The following KIAA0513 variants were observed in gnomAD, a reference collection of about 807,000 sequenced individuals.
KIAA0513 encodes the protein KIAA0513.
KIAA0513 carries 39 observed loss-of-function variants against 56.5 expected under a neutral mutation model. The ratio of observed to expected loss-of-function variants is 0.69; its 90% CI spans 0.53 to 0.90. The LOEUF (loss-of-function observed/expected upper bound fraction) is 0.90. Among genes scored for constraint, KIAA0513 ranks in the 40% least tolerant of loss-of-function variants. The pLI, the probability that KIAA0513 is intolerant of heterozygous loss-of-function variation, is 0.00. For synonymous variants in KIAA0513, 268 were observed against 215.6 expected (o/e 1.24, Z -2.13); for missense variants, 591 against 535.2 (o/e 1.10, Z -1.03).
chr16:85,064,681 A>G (rs2073453237), intron 1 of KIAA0513, among the ~76,000 whole-genome samples: 1 of 152,010 alleles, frequency 6.6e-6, no homozygotes, highest in South Asian at 2.1e-4. Context: ...CGCCTTTAAT[A>G]ATTGTATTTC....
Position 85,092,524 on chromosome 16 carries a change from C to T in KIAA0513, c.*4199C>T, listed in dbSNP as rs1456062923. 1 of 152,164 alleles carries T rather than the reference C, an allele frequency of 6.6e-6. No homozygotes were observed. Among genetic ancestry groups the T allele is most frequent in the African/African-American group, 2.4e-5 (1 of 41,436 alleles). The allele number at this position is 152,164 out of a possible 1,614,324, so 9.4% of individuals were successfully genotyped here. A position where few individuals can be genotyped will look rare whatever the true frequency, so the allele number is the denominator to read the frequency against. On this transcript the variant is annotated 3_prime_UTR_variant, in exon 13 of 13. Transcript: ENST00000683363. Reference sequence around the variant, plus strand: ...GCAGGTGTTCTGAGGCTGGTCCCTCCTCAGTTTCCGCAGCCACAAGGCGAA... The same window carrying T: ...GCAGGTGTTCTGAGGCTGGTCCCTCTTCAGTTTCCGCAGCCACAAGGCGAA...
chr16:85,091,414 G>T lies in KIAA0513; in HGVS notation c.*3089G>T, dbSNP rs1276570484. On this transcript the variant is annotated 3_prime_UTR_variant, in exon 13 of 13. Coordinates refer to ENST00000683363, the MANE Select transcript of KIAA0513 (RefSeq NM_001388359.1). ...CTGATGTCGTAAGTTCTCTGTAAGT[G>T]AAATGGGGTAGACTGTATGATTTTC... 1 of 152,172 alleles carries T rather than the reference G, an allele frequency of 6.6e-6. No individual in the cohort carries two copies. Among genetic ancestry groups the T allele is most frequent in the African/African-American group, 2.4e-5 (1 of 41,440 alleles). The allele number at this position is 152,172 out of a possible 1,614,324, so 9.4% of individuals were successfully genotyped here.
chr16:85,078,763 C>G, intron 7 of KIAA0513, 162 bp from the exon 8 acceptor site: 2 of 246,044 alleles, frequency 8.1e-6, no homozygotes, highest in Non-Finnish European at 1.3e-5. Flanking sequence ...GGGAATAGCA[C>G]CGTTACTGGC....
chr16:85,074,363 C>T (rs372725571), intron 4 of KIAA0513, among the ~76,000 whole-genome samples: 17 of 150,700 alleles, frequency 1.1e-4, no homozygotes, highest in South Asian at 4.2e-4. Flanking sequence ...CACACACACA[C>T]ATATATATTT....
chr16:85,040,936 T>C (rs1018893931), intron 1 of KIAA0513, among the ~76,000 whole-genome samples: 1 of 152,218 alleles, frequency 6.6e-6, no homozygotes, highest in Non-Finnish European at 1.5e-5. Flanking sequence ...TTCGCTCACA[T>C]GCAAGTAAAC....
At chr16:85,077,759 A>G (rs2073680161) in intron 6 of KIAA0513, 127 bp downstream of exon 6, 2 of 701,578 alleles carry the variant, frequency 2.9e-6, no homozygotes, top group African/African-American at 3.6e-5. Flanking sequence ...TGCGCTGCCC[A>G]GCCACTTCTG....
intron 11 of KIAA0513, 132 bp downstream of exon 11, chr16:85,086,856 C>T (rs1171171692): frequency 1.1e-6 from 1 of 909,830 alleles, no homozygotes; most frequent in Non-Finnish European, 1.7e-6. Context: ...CACTTGGCCT[C>T]CATGCCAGCT....
At position 85,079,007 on chromosome 16, in the gene KIAA0513, A is replaced by G; in HGVS notation, c.902+4A>G. 3 of 1,614,172 alleles carry G rather than the reference A, an allele frequency of 1.9e-6. No individual in the cohort carries two copies. The highest frequency in any genetic ancestry group is 2.5e-6 in the Non-Finnish European group (3 of 1,180,026). On this transcript the variant is annotated splice_donor_region_variant and intron_variant, in intron 8 of 12. Transcript: ENST00000683363. Reference sequence around the variant, plus strand: ...ACCTGAAGCAACAGCCCATCTGGTAAGGCCGAGCCCGCGGCTTCCCGTCAC... The same window carrying G: ...ACCTGAAGCAACAGCCCATCTGGTAGGGCCGAGCCCGCGGCTTCCCGTCAC...
At chr16:85,063,422 C>T (rs555993180) in intron 1 of KIAA0513, 6 of 152,374 alleles carry the variant, frequency 3.9e-5, no homozygotes, top group East Asian at 3.9e-4. Context: ...CCTGCCACCA[C>T]GCCCGGCTGA....
rs867351382 is a variant in KIAA0513, at chr16:85,071,865, C to G, written c.412C>G (p.Arg138Gly). ...ENGKGREWFA[R>G]YVSAQRCNSK... ...TGGAAAAGGCCGGGAGTGGTTTGCT[C>G]GATACGTGAGTGCCCAGGTAAGGGC... is the stretch of plus-strand genomic sequence containing the variant. The change falls in exon 3 of 13, where the codon CGA becomes GGA. Residue 138 changes from arginine (R) to glycine (G), a missense_variant. Transcript: ENST00000683363. 1.2e-5 allele frequency: 19 copies of G among 1,608,680 alleles called. No homozygotes were observed. The highest frequency in any genetic ancestry group is 1.4e-5 in the Non-Finnish European group (17 of 1,178,424).
Position 85,052,444 on chromosome 16 carries a change from C to A in KIAA0513, c.-172-14456C>A, listed in dbSNP as rs144761565. Among the ~76,000 whole-genome samples, 540 of 152,168 alleles carry A rather than the reference C, an allele frequency of 3.5e-3. 2 individuals carry two copies. The highest frequency in any genetic ancestry group is 0.012 in the African/African-American group (512 of 41,528). ...CCAGAATCGCTTGAACCTGGGAGGCCGAGGTTCCCAGGTTCCATTGCATCG... is the reference window on the plus strand; with the variant it reads ...CCAGAATCGCTTGAACCTGGGAGGCAGAGGTTCCCAGGTTCCATTGCATCG... On this transcript the variant is annotated intron_variant, in intron 1 of 12. Transcript: ENST00000683363.
At chr16:85,048,377 T>G (rs1963141790) in intron 1 of KIAA0513, among the ~76,000 whole-genome samples, 1 of 152,224 alleles carries the variant, frequency 6.6e-6, no homozygotes, top group Admixed American at 6.5e-5. Flanking sequence ...GTCAAGAGTC[T>G]TTAATGCATG....
intron 1 of KIAA0513, 98 bp from the exon 2 acceptor site, chr16:85,066,802 C>T: frequency 2.5e-6 from 1 of 405,862 alleles, no homozygotes; most frequent in Non-Finnish European, 4.4e-6. Flanking sequence ...ACCCCAAATT[C>T]CGGAAGAGCA....
At chr16:85,042,092 C>T (rs182377070) in intron 1 of KIAA0513, among the ~76,000 whole-genome samples, 1 of 152,256 alleles carries the variant, frequency 6.6e-6, no homozygotes, top group Admixed American at 6.5e-5. Flanking sequence ...GTTTTGTTCC[C>T]ACTTGTTTGC....
chr16:85,033,751 A>G (rs1055032890), intron 1 of KIAA0513, among the ~76,000 whole-genome samples: 3 of 152,170 alleles, frequency 2.0e-5, no homozygotes, highest in Admixed American at 1.3e-4. Flanking sequence ...AGATGCCTCA[A>G]TTCCTCATTC....
At chr16:85,035,281 CGGTTCCCCA>C (rs1180257820) in intron 1 of KIAA0513, among the ~76,000 whole-genome samples, 1 of 152,182 alleles carries the variant, frequency 6.6e-6, no homozygotes, top group Non-Finnish European at 1.5e-5. Flanking sequence ...GCTCGTTCTT[CGGTTCCCCA>C]GGCCTAGCCC....
chr16:85,047,369 G>C (rs183797737), intron 1 of KIAA0513, among the ~76,000 whole-genome samples: 2 of 152,110 alleles, frequency 1.3e-5, no homozygotes, highest in Admixed American at 6.5e-5. Context: ...GCAATCTCTC[G>C]AGCACTTTCC....
Position 85,073,637 on chromosome 16 carries a change from A to T in KIAA0513, c.503+639A>T, listed in dbSNP as rs559253473. Among the ~76,000 whole-genome samples the T allele has an allele frequency of 4.1e-3, 629 of 152,308 alleles. 4 individuals carry two copies. The highest frequency in any genetic ancestry group is 0.014 in the African/African-American group (600 of 41,578). ...TCAACAGACCAGCTTCATGCCTCCAAGGTGTGAAATGGAGGGGATGCCTCT... is the reference window on the plus strand; with the variant it reads ...TCAACAGACCAGCTTCATGCCTCCATGGTGTGAAATGGAGGGGATGCCTCT... On this transcript the variant is annotated intron_variant, in intron 4 of 12. Coordinates refer to ENST00000683363, the MANE Select transcript of KIAA0513 (RefSeq NM_001388359.1).
chr16:85,072,274 T>C (rs1397287117), intron 3 of KIAA0513, among the ~76,000 whole-genome samples: 1 of 152,154 alleles, frequency 6.6e-6, no homozygotes. Flanking sequence ...AGTAAGAAAC[T>C]GGGCTTTCAA....
Sources: allele counts gnomAD v4.1 joint callset (sites outside exome capture counted in the v4.1 genomes callset), GRCh38; gene constraint gnomAD v4.1.1; transcripts MANE v1.5; gene names NCBI Gene and HGNC (gene_info 2026-07-23, HGNC 2026-07-21).